Variants in GPHN observed in about 807,000 individuals in gnomAD.
GPHN encodes gephyrin.
In GPHN, 17 loss-of-function variants were observed where a neutral mutation model predicts 95.5. The observed-to-expected ratio is 0.18, with a 90% confidence interval of 0.12 to 0.27. The LOEUF (loss-of-function observed/expected upper bound fraction) is 0.27, where lower values mean the gene tolerates loss of function less well. GPHN is among the 10% of genes least tolerant of loss of function. The pLI, the probability that GPHN is intolerant of heterozygous loss-of-function variation, is 1.00. For synonymous variants in GPHN, 320 were observed against 322.5 expected, an observed-to-expected ratio of 0.99 and a Z score of 0.08; for missense variants, 660 against 978.1, an observed-to-expected ratio of 0.67 and a Z score of 4.34.
chr14:67,064,165 G>T (rs1160149289), intron 11 of GPHN, among the ~76,000 whole-genome samples: 1 of 152,094 alleles, frequency 6.6e-6, no homozygotes, highest in Non-Finnish European at 1.5e-5. Flanking sequence ...TTTGTCGAAG[G>T]CCTTTTCTGC....
chr14:67,621,712 T>C, the GPHN span, among the ~76,000 whole-genome samples: 1 of 151,602 alleles, frequency 6.6e-6, no homozygotes, highest in African/African-American at 2.4e-5. Flanking sequence ...CCCAAAGTGC[T>C]GAGATTATAG....
chr14:66,584,744 G>A (rs1183182646), intron 1 of GPHN, among the ~76,000 whole-genome samples: 2 of 152,126 alleles, frequency 1.3e-5, no homozygotes, highest in Non-Finnish European at 2.9e-5. Context: ...AAGCCCACTT[G>A]ATCATGGTGG....
rs180790710 is a variant in GPHN at position 67,172,130 on chromosome 14, A to T, written c.2079+3094A>T. ...TGCTCTGGGAGCAAGTAGTCACAGCACCCCTTCATCCCCAATGCTACCCCA... is the reference window on the plus strand; with the variant it reads ...TGCTCTGGGAGCAAGTAGTCACAGCTCCCCTTCATCCCCAATGCTACCCCA... On this transcript the variant is annotated intron_variant, in intron 21 of 22. Transcript: ENST00000478722. Among the ~76,000 whole-genome samples the T allele has an allele frequency of 5.2e-3, 798 of 152,020 alleles. 3 individuals are homozygous for T. The highest frequency in any genetic ancestry group is 0.037 in the Middle Eastern group (11 of 294).
the GPHN span, chr14:67,335,253 A>G: frequency 6.6e-6 from 1 of 152,254 alleles, no homozygotes; most frequent in Non-Finnish European, 1.5e-5. Flanking sequence ...CATAGTCCTT[A>G]AAGTGAAAAC....
At chr14:66,718,590 G>A (rs1398864476) in intron 2 of GPHN, among the ~76,000 whole-genome samples, 3 of 152,152 alleles carry the variant, frequency 2.0e-5, no homozygotes, top group Admixed American at 2.0e-4. Context: ...CCCATGTCCT[G>A]CTGATTGGTC....
At chr14:67,634,460 G>A in the GPHN span, among the ~76,000 whole-genome samples, 1 of 151,560 alleles carries the variant, frequency 6.6e-6, no homozygotes, top group Non-Finnish European at 1.5e-5. Context: ...ATTTAGCTAG[G>A]TGTGGCTTCT....
the GPHN span, among the ~76,000 whole-genome samples, chr14:67,522,000 G>A: frequency 1.3e-5 from 2 of 152,110 alleles, no homozygotes; most frequent in South Asian, 2.1e-4. Flanking sequence ...CATAGTGAAA[G>A]TCGTCTCTAC....
chr14:66,924,524 T>C (rs1205031742), intron 8 of GPHN, among the ~76,000 whole-genome samples: 1 of 152,216 alleles, frequency 6.6e-6, no homozygotes, highest in Non-Finnish European at 1.5e-5. Flanking sequence ...TTTGTGACAA[T>C]GAACTTTTAT....
At chr14:66,544,722 G>A (rs942499838) in intron 1 of GPHN, among the ~76,000 whole-genome samples, 20 of 152,186 alleles carry the variant, frequency 1.3e-4, no homozygotes, top group African/African-American at 4.3e-4. Context: ...TTTCCTAGGC[G>A]GAGGACCCTG....
At chr14:66,643,026 T>G (rs919234163) in intron 1 of GPHN, among the ~76,000 whole-genome samples, 1 of 151,922 alleles carries the variant, frequency 6.6e-6, no homozygotes, top group South Asian at 2.1e-4. Flanking sequence ...AATCATAGAA[T>G]GAAAGAAGAT....
chr14:66,948,338 A>T (rs548273908), intron 8 of GPHN, among the ~76,000 whole-genome samples: 2 of 152,312 alleles, frequency 1.3e-5, no homozygotes, highest in South Asian at 4.1e-4. Flanking sequence ...TAAGTTTATA[A>T]AAAAGATCTC....
intron 9 of GPHN, among the ~76,000 whole-genome samples, chr14:67,001,313 A>G (rs1324473739): frequency 3.3e-5 from 5 of 151,626 alleles, no homozygotes; most frequent in Non-Finnish European, 7.4e-5. Context: ...GAAATAGATT[A>G]ATTAGACATA....
intron 2 of GPHN, among the ~76,000 whole-genome samples, chr14:66,719,691 T>G (rs894922899): frequency 2.6e-5 from 4 of 152,174 alleles, no homozygotes; most frequent in Admixed American, 2.6e-4. Context: ...GCTGCACAAA[T>G]TTGTGAAAAA....
At chr14:67,597,345 G>C in the GPHN span, among the ~76,000 whole-genome samples, 1 of 152,078 alleles carries the variant, frequency 6.6e-6, no homozygotes, top group African/African-American at 2.4e-5. Flanking sequence ...AGGTGTGGTG[G>C]CACATGCCTG....
chr14:66,573,601 C>T (rs745625553), intron 1 of GPHN, among the ~76,000 whole-genome samples: 2 of 152,012 alleles, frequency 1.3e-5, no homozygotes, highest in Admixed American at 6.6e-5. Flanking sequence ...TACAGGCAGG[C>T]GCCTGCCACC....
At chr14:66,877,202 A>C (rs1012277481) in intron 4 of GPHN, among the ~76,000 whole-genome samples, 2 of 152,076 alleles carry the variant, frequency 1.3e-5, no homozygotes, top group Non-Finnish European at 2.9e-5. Context: ...CATGCTAAAA[A>C]CTCTCAATAA....
At chr14:67,097,466 A>G (rs1218093879) in intron 12 of GPHN, among the ~76,000 whole-genome samples, 2 of 152,028 alleles carry the variant, frequency 1.3e-5, no homozygotes, top group Non-Finnish European at 2.9e-5. Flanking sequence ...TTTGCACACA[A>G]TGATGGAGCA....
At chr14:67,521,725 G>A in the GPHN span, among the ~76,000 whole-genome samples, 6 of 152,184 alleles carry the variant, frequency 3.9e-5, no homozygotes, top group Non-Finnish European at 7.3e-5. Context: ...ATTAGCACAG[G>A]TTGATAAGAA....
intron 9 of GPHN, among the ~76,000 whole-genome samples, chr14:67,011,834 T>TTATATATATATATATATA (rs375784376): frequency 5.5e-4 from 82 of 148,080 alleles, no homozygotes; most frequent in African/African-American, 1.9e-3. Flanking sequence ...TACACAGATT[T>TTATATATATATATATATA]TATATATATA....
Sources: allele counts gnomAD v4.1 joint callset (sites outside exome capture counted in the v4.1 genomes callset), GRCh38; gene constraint gnomAD v4.1.1; transcripts MANE v1.5; gene names NCBI Gene and HGNC (gene_info 2026-07-23, HGNC 2026-07-21).